The following NGLY1 variants were observed in gnomAD, a reference collection of about 807,000 sequenced individuals.
NGLY1 encodes the protein N-glycanase 1.
A neutral mutation model predicts 84.6 loss-of-function variants in NGLY1; 68 were observed. The ratio of observed to expected loss-of-function variants is 0.80; its 90% CI spans 0.66 to 0.98. NGLY1 has a LOEUF of 0.98. Among genes scored for constraint, NGLY1 ranks in the 50% least tolerant of loss-of-function variants. The pLI, the probability that NGLY1 is intolerant of heterozygous loss-of-function variation, is 0.00. For synonymous variants in NGLY1, 280 were observed against 275.2 expected, an observed-to-expected ratio of 1.02 and a Z score of -0.17; for missense variants, 779 against 770.2, an observed-to-expected ratio of 1.01 and a Z score of -0.14.
At chr3:25,723,937 C>T (rs1393237626) in intron 10 of NGLY1, among the ~76,000 whole-genome samples, 2 of 152,158 alleles carry the variant, frequency 1.3e-5, no homozygotes, top group Non-Finnish European at 2.9e-5. Context: ...CATCCTTGCT[C>T]CTTGTTGTAA....
intron 4 of NGLY1, 137 bp downstream of exon 4, chr3:25,750,961 G>C: frequency 7.5e-6 from 6 of 797,516 alleles, no homozygotes; most frequent in East Asian, 2.9e-5. Flanking sequence ...ATCCACGTTT[G>C]GTTTAAAAGA....
intron 8 of NGLY1, among the ~76,000 whole-genome samples, chr3:25,733,453 T>C (rs890021682): frequency 1.7e-4 from 25 of 148,918 alleles, no homozygotes; most frequent in Non-Finnish European, 3.1e-4. Flanking sequence ...CTTCAGAAAT[T>C]TCCTCACATG....
chr3:25,722,274 C>CACATATATAT lies in NGLY1; in HGVS notation c.1612-2084_1612-2083insATATATATGT, dbSNP rs145856271. On this transcript the variant is annotated intron_variant, in intron 10 of 11. Coordinates refer to ENST00000280700, the MANE Select transcript of NGLY1 (RefSeq NM_018297.4). Reference sequence around the variant, plus strand: ...ATATTATTAAAGATCTGTATACACACATATATATATATATATATTCATGTT... The same window carrying CACATATATAT: ...ATATTATTAAAGATCTGTATACACACACATATATATATATATATATATATATATTCATGTT... Among the ~76,000 whole-genome samples, 520 of 148,604 alleles carry CACATATATAT rather than the reference C, an allele frequency of 3.5e-3. 3 individuals are homozygous for CACATATATAT. The highest frequency in any genetic ancestry group is 0.011 in the Middle Eastern group (3 of 278).
At chr3:25,722,727 A>G (rs560573989) in intron 10 of NGLY1, among the ~76,000 whole-genome samples, 1 of 152,296 alleles carries the variant, frequency 6.6e-6, no homozygotes, top group South Asian at 2.1e-4. Flanking sequence ...TGGTGTTCAT[A>G]TATGTTCCTA....
At chr3:25,734,227 G>C in intron 7 of NGLY1, 2 of 325,502 alleles carry the variant, frequency 6.1e-6, no homozygotes, top group Non-Finnish European at 1.1e-5. Context: ...CATCACGCCT[G>C]GCTGATTTTT....
chr3:25,719,782 C>T (rs1704888071), intron 11 of NGLY1, 147 bp from the exon 12 acceptor site: 2 of 721,398 alleles, frequency 2.8e-6, no homozygotes. Flanking sequence ...GGAAGAAATG[C>T]ATCCTTTGAA....
chr3:25,788,357 A>C (rs1212386206), upstream of NGLY1, among the ~76,000 whole-genome samples: 1 of 152,222 alleles, frequency 6.6e-6, no homozygotes, highest in Non-Finnish European at 1.5e-5. Context: ...CAAACCTAGG[A>C]AGTCTTAATA....
chr3:25,729,295 G>T lies in NGLY1; in HGVS notation c.1449C>A (p.Pro483=). Residue 483 remains proline, a synonymous_variant, in exon 10 of 12, where the codon CCC becomes CCA. Transcript: ENST00000280700. Reference sequence around the variant, plus strand: ...GTTTAGAAATCTTCTCATTTTCACAGGGAATAAACAAGGTTTCTTTTCTCT... The same window carrying T: ...GTTTAGAAATCTTCTCATTTTCACATGGAATAAACAAGGTTTCTTTTCTCT... ...GLQRKETLFI[P]CENEKISKQL... The T allele has an allele frequency of 6.9e-7, 1 of 1,450,842 alleles. No individual in the cohort carries two copies. The allele number at this position is 1,450,842 out of a possible 1,614,324, so 89.9% of individuals were successfully genotyped here.
At chr3:25,772,004 T>G (rs1707918847) in intron 2 of NGLY1, among the ~76,000 whole-genome samples, 1 of 152,312 alleles carries the variant, frequency 6.6e-6, no homozygotes, top group Admixed American at 6.5e-5. Context: ...TCTTTACCAA[T>G]TTTGATGTTC....
At chr3:25,762,091 C>A (rs1292768794) in intron 3 of NGLY1, among the ~76,000 whole-genome samples, 1 of 151,894 alleles carries the variant, frequency 6.6e-6, no homozygotes, top group Non-Finnish European at 1.5e-5. Context: ...TACTGGCAAA[C>A]GTCAACATCA....
chr3:25,722,181 C>A (rs1705028140), intron 10 of NGLY1, among the ~76,000 whole-genome samples: 1 of 151,246 alleles, frequency 6.6e-6, no homozygotes, highest in South Asian at 2.1e-4. Context: ...GGTGCCACTG[C>A]ACTCCAGCCC....
chr3:25,758,187 C>G (rs1707133274), intron 3 of NGLY1, among the ~76,000 whole-genome samples: 1 of 152,148 alleles, frequency 6.6e-6, no homozygotes, highest in African/African-American at 2.4e-5. Flanking sequence ...AAATCACTAA[C>G]AATCTAATGA....
intron 2 of NGLY1, among the ~76,000 whole-genome samples, chr3:25,766,601 G>A (rs1251810194): frequency 2.6e-5 from 4 of 152,176 alleles, no homozygotes; most frequent in Non-Finnish European, 4.4e-5. Flanking sequence ...GTAACACAAC[G>A]ACTTTTTCAA....
chr3:25,735,914 T>C (rs1405637929), intron 7 of NGLY1, 90 bp downstream of exon 7: 4 of 1,116,558 alleles, frequency 3.6e-6, no homozygotes, highest in Non-Finnish European at 5.0e-6. Context: ...ATGCAGGTTA[T>C]TGTATGTTAA....
chr3:25,721,236 T>TA (rs1484007647), intron 10 of NGLY1, among the ~76,000 whole-genome samples: 2 of 152,084 alleles, frequency 1.3e-5, no homozygotes, highest in African/African-American at 2.4e-5. Context: ...CTGGCTAATT[T>TA]AAAAAAATTT....
intron 3 of NGLY1, among the ~76,000 whole-genome samples, chr3:25,763,454 A>T (rs1188293931): frequency 6.6e-6 from 1 of 152,222 alleles, no homozygotes; most frequent in African/African-American, 2.4e-5. Context: ...ACTGATGAAG[A>T]CCTAAGGTAT....
intron 10 of NGLY1, among the ~76,000 whole-genome samples, chr3:25,720,871 A>G (rs1704951746): frequency 6.6e-6 from 1 of 151,996 alleles, no homozygotes; most frequent in African/African-American, 2.4e-5. Context: ...TTCACAGGTC[A>G]CTCTATTCAA....
At chr3:25,755,083 T>G in intron 3 of NGLY1, 1 of 1,443,890 alleles carries the variant, frequency 6.9e-7, no homozygotes, top group Non-Finnish European at 9.7e-7. Flanking sequence ...TTCTGGATGA[T>G]GCAAAAATTT....
At chr3:25,724,866 G>A (rs1286411311) in intron 10 of NGLY1, among the ~76,000 whole-genome samples, 2 of 152,130 alleles carry the variant, frequency 1.3e-5, no homozygotes, top group African/African-American at 4.8e-5. Flanking sequence ...GTGATATTAT[G>A]ATATGTGTAT....
Sources: allele counts gnomAD v4.1 joint callset (sites outside exome capture counted in the v4.1 genomes callset), GRCh38; gene constraint gnomAD v4.1.1; transcripts MANE v1.5; gene names NCBI Gene and HGNC (gene_info 2026-07-23, HGNC 2026-07-21).